Variants in XKR4 observed in about 807,000 individuals in gnomAD.
The protein encoded by XKR4 is XK related 4, also known as XK-related protein 4.
A neutral mutation model predicts 53.9 loss-of-function variants in XKR4; 12 were observed. The observed-to-expected ratio is 0.22, with a 90% CI of 0.14 to 0.36. The LOEUF (loss-of-function observed/expected upper bound fraction) is 0.36, where lower values mean the gene tolerates loss of function less well. Ranked by LOEUF, XKR4 falls within the 10% of genes least tolerant of loss-of-function variation. The pLI is 1.00. For synonymous variants in XKR4, 354 were observed against 362.4 expected (o/e 0.98, Z 0.26); for missense variants, 799 against 859.5 (o/e 0.93, Z 0.88).
intron 2 of XKR4, among the ~76,000 whole-genome samples, chr8:55,491,606 G>A (rs188972068): frequency 3.5e-4 from 53 of 150,006 alleles, no homozygotes; most frequent in Admixed American, 3.5e-3. Context: ...TGTTCAATGG[G>A]CTCTTTTATG....
At chr8:55,326,565 G>C (rs1264263553) in intron 1 of XKR4, among the ~76,000 whole-genome samples, 2 of 147,244 alleles carry the variant, frequency 1.4e-5, no homozygotes, top group Non-Finnish European at 3.0e-5. Flanking sequence ...CCACCTCCTG[G>C]ACTCAAGTGA....
intron 2 of XKR4, among the ~76,000 whole-genome samples, chr8:55,470,616 C>T (rs1585592351): frequency 6.6e-6 from 1 of 152,054 alleles, no homozygotes; most frequent in Admixed American, 6.5e-5. Flanking sequence ...GACTAATACA[C>T]AAGATATATC....
At chr8:55,261,288 A>G (rs1424213380) in intron 1 of XKR4, among the ~76,000 whole-genome samples, 6 of 152,172 alleles carry the variant, frequency 3.9e-5, no homozygotes, top group African/African-American at 1.4e-4. Flanking sequence ...GTCAGACAAG[A>G]TACCCCCAAA....
chr8:55,378,563 C>A lies in XKR4; in HGVS notation c.1006+20686C>A, dbSNP rs545478215. ...AAAGTGGTTGCCTGTGGGAATGAGG[C>A]GGAGGGAGGAAGAAGTTTCATAGAC... On this transcript the variant is annotated intron_variant, in intron 2 of 2. Coordinates refer to ENST00000327381, the MANE Select transcript of XKR4 (RefSeq NM_052898.2). Among the ~76,000 whole-genome samples the A allele has an allele frequency of 3.9e-5, 6 of 152,102 alleles. No individual in the cohort carries two copies. The South Asian group carries it at 1.2e-3, about 32-fold the overall frequency.
intron 2 of XKR4, among the ~76,000 whole-genome samples, chr8:55,414,815 G>A (rs1804821954): frequency 6.6e-6 from 1 of 152,132 alleles, no homozygotes; most frequent in Admixed American, 6.5e-5. Context: ...CTGGAAAGAG[G>A]ACAAGAGTGC....
At chr8:55,214,315 C>T (rs1585943832) in intron 1 of XKR4, among the ~76,000 whole-genome samples, 1 of 152,114 alleles carries the variant, frequency 6.6e-6, no homozygotes, top group Non-Finnish European at 1.5e-5. Flanking sequence ...AGGGCAATAC[C>T]ATTTCTAAGC....
intron 1 of XKR4, among the ~76,000 whole-genome samples, chr8:55,176,657 A>T (rs1817239606): frequency 6.6e-6 from 1 of 152,090 alleles, no homozygotes; most frequent in African/African-American, 2.4e-5. Context: ...TCTGACTTCG[A>T]CCTTATTTCT....
At chr8:55,311,973 A>G (rs1266031615) in intron 1 of XKR4, among the ~76,000 whole-genome samples, 1 of 152,154 alleles carries the variant, frequency 6.6e-6, no homozygotes, top group Non-Finnish European at 1.5e-5. Context: ...CTGAATTAAA[A>G]ATTAAATCAG....
At chr8:55,399,277 G>T (rs1320598169) in intron 2 of XKR4, among the ~76,000 whole-genome samples, 1 of 152,198 alleles carries the variant, frequency 6.6e-6, no homozygotes. Context: ...CACATGTACA[G>T]AAGATGAATG....
intron 1 of XKR4, among the ~76,000 whole-genome samples, chr8:55,238,794 A>C (rs1818169319): frequency 6.6e-6 from 1 of 152,180 alleles, no homozygotes; most frequent in South Asian, 2.1e-4. Flanking sequence ...AAACAACATA[A>C]ATTAAAACCT....
At chr8:55,168,797 G>T (rs981915284) in intron 1 of XKR4, among the ~76,000 whole-genome samples, 2 of 152,068 alleles carry the variant, frequency 1.3e-5, no homozygotes, top group African/African-American at 4.8e-5. Context: ...AAGAAATGCC[G>T]GGACTGTCTG....
At chr8:55,256,598 G>C (rs1032034429) in intron 1 of XKR4, among the ~76,000 whole-genome samples, 2 of 152,188 alleles carry the variant, frequency 1.3e-5, no homozygotes, top group African/African-American at 2.4e-5. Context: ...AGATGTAAGG[G>C]TATTTTCTCC....
intron 1 of XKR4, among the ~76,000 whole-genome samples, chr8:55,165,331 A>C (rs940442615): frequency 2.0e-5 from 3 of 152,094 alleles, no homozygotes; most frequent in Non-Finnish European, 2.9e-5. Context: ...ACCTTCATAC[A>C]TATTATGCAC....
intron 1 of XKR4, among the ~76,000 whole-genome samples, chr8:55,241,963 T>C (rs1041106982): frequency 2.0e-5 from 3 of 152,232 alleles, no homozygotes; most frequent in Non-Finnish European, 4.4e-5. Context: ...TGGGTATAGC[T>C]GTGTTTATAA....
intron 1 of XKR4, among the ~76,000 whole-genome samples, chr8:55,248,466 C>T (rs1818319761): frequency 6.6e-6 from 1 of 152,196 alleles, no homozygotes; most frequent in Non-Finnish European, 1.5e-5. Flanking sequence ...GCATTACACA[C>T]AGCTTGTACC....
chr8:55,491,590 T>C (rs1027706675), intron 2 of XKR4, among the ~76,000 whole-genome samples: 1 of 152,130 alleles, frequency 6.6e-6, no homozygotes, highest in African/African-American at 2.4e-5. Flanking sequence ...TTCTGAATGC[T>C]CCAGGTGTTC....
intron 1 of XKR4, 117 bp downstream of exon 1, chr8:55,103,411 C>G: frequency 6.9e-7 from 1 of 1,454,314 alleles, no homozygotes. Context: ...TCACACTCTT[C>G]CAGTTTTTTG....
intron 1 of XKR4, among the ~76,000 whole-genome samples, chr8:55,112,377 A>G (rs1816244215): frequency 6.6e-6 from 1 of 152,090 alleles, no homozygotes; most frequent in Non-Finnish European, 1.5e-5. Flanking sequence ...CTTGAAAAAG[A>G]CTTGAGATGA....
At chr8:55,429,945 A>G (rs940799256) in intron 2 of XKR4, among the ~76,000 whole-genome samples, 2 of 152,272 alleles carry the variant, frequency 1.3e-5, no homozygotes, top group South Asian at 4.2e-4. Flanking sequence ...AACAATAAAA[A>G]AACCCAAATA....
Sources: gnomAD v4.1 joint callset for allele counts (sites outside exome capture counted in the v4.1 genomes callset) on GRCh38, gnomAD v4.1.1 for gene constraint, MANE v1.5 for transcripts, NCBI Gene and HGNC (gene_info 2026-07-23, HGNC 2026-07-21) for gene names.